The following OR10A2 variants were observed in gnomAD, a reference collection of about 807,000 sequenced individuals.
OR10A2 encodes olfactory receptor 10A2.
OR10A2 carries 15 observed loss-of-function variants against 13.7 expected under a neutral mutation model. That is an observed-to-expected ratio of 1.10 (90% CI 0.73 to 1.69). The LOEUF is 1.69. Among genes scored for constraint, OR10A2 ranks in the 40% most tolerant of loss-of-function variants. OR10A2 has a pLI of 0.00. For synonymous variants in OR10A2, 145 were observed against 144.7 expected (o/e 1.00, Z -0.02); for missense variants, 343 against 361.1 (o/e 0.95, Z 0.41).
At chr11:6,867,828 T>TA (rs1302319795) in intron 1 of OR10A2, among the ~76,000 whole-genome samples, 3 of 152,124 alleles carry the variant, frequency 2.0e-5, no homozygotes, top group Non-Finnish European at 2.9e-5. Context: ...CAGCTCAATG[T>TA]AGCCTCAACC....
intron 1 of OR10A2, among the ~76,000 whole-genome samples, chr11:6,863,564 C>T (rs1398862946): frequency 6.6e-6 from 1 of 151,896 alleles, no homozygotes; most frequent in Admixed American, 6.6e-5. Context: ...GATCTGGGCT[C>T]ACAAAAAGAC....
chr11:6,866,245 T>C (rs1383530346), intron 1 of OR10A2, among the ~76,000 whole-genome samples: 2 of 152,188 alleles, frequency 1.3e-5, no homozygotes, highest in Non-Finnish European at 2.9e-5. Flanking sequence ...TACCCAAAGG[T>C]ACAATTACTG....
At chr11:6,865,232 C>T (rs1848370936) in intron 1 of OR10A2, among the ~76,000 whole-genome samples, 1 of 147,334 alleles carries the variant, frequency 6.8e-6, no homozygotes, top group Non-Finnish European at 1.5e-5. Context: ...ATAATAAATC[C>T]CCTCCTTTTA....
intron 1 of OR10A2, 46 bp from the exon 2 acceptor site, chr11:6,869,577 G>A (rs1186411874): frequency 2.8e-5 from 18 of 650,450 alleles, no homozygotes; most frequent in Non-Finnish European, 4.4e-5. Context: ...ACAACCCAAG[G>A]CACTTCCTCT....
chr11:6,868,050 T>TAC (rs1378418610), intron 1 of OR10A2, among the ~76,000 whole-genome samples: 9 of 152,212 alleles, frequency 5.9e-5, no homozygotes, highest in African/African-American at 2.2e-4. Context: ...ACGCCTGGCC[T>TAC]ACAGTGAAAG....
In OR10A2 at chr11:6,871,055, C is replaced by T. The variant is rs1050028171; in HGVS notation, c.*389C>T. Reference sequence around the variant, plus strand: ...CCGCCTCCTGGGTTCACGCTGTTCTCCTGCCTCAGCCTCCCAAGTAGCTGG... The same window carrying T: ...CCGCCTCCTGGGTTCACGCTGTTCTTCTGCCTCAGCCTCCCAAGTAGCTGG... On this transcript the variant is annotated 3_prime_UTR_variant, in exon 2 of 2. Coordinates refer to ENST00000641461, the MANE Select transcript of OR10A2 (RefSeq NM_001004460.2). 1 of 153,808 alleles carries T rather than the reference C, an allele frequency of 6.5e-6. No individual in the cohort carries two copies. Among genetic ancestry groups the T allele is most frequent in the Non-Finnish European group, 1.4e-5 (1 of 69,940 alleles). 9.5% of individuals were successfully genotyped at this position (153,808 alleles called of 1,614,324 possible).
chr11:6,866,250 T>C (rs1322011193), intron 1 of OR10A2, among the ~76,000 whole-genome samples: 1 of 152,194 alleles, frequency 6.6e-6, no homozygotes, highest in Non-Finnish European at 1.5e-5. Context: ...AAAGGTACAA[T>C]TACTGGTTGT....
rs1848465644 is a variant in OR10A2, at chr11:6,874,456, T to C, written c.*3790T>C. On this transcript the variant is annotated 3_prime_UTR_variant, in exon 2 of 2. Coordinates refer to ENST00000641461, the MANE Select transcript of OR10A2 (RefSeq NM_001004460.2). ...GAAATTTTCTGCCCATCTTTAGAAA[T>C]TGTGTTGCTTTGTTCTTACTACCAC... 1.3e-5 allele frequency: 2 copies of C among 152,194 alleles called. No homozygotes were observed. The highest frequency in any genetic ancestry group is 4.8e-5 in the African/African-American group (2 of 41,432). The allele number at this position is 152,194 out of a possible 1,614,324, so 9.4% of individuals were successfully genotyped here.
rs1442714271 is a variant in OR10A2, at chr11:6,872,035, T to A, written c.*1369T>A. The A allele has an allele frequency of 1.3e-5, 2 of 152,210 alleles. No homozygotes were observed. Among genetic ancestry groups the A allele is most frequent in the Admixed American group, 1.3e-4 (2 of 15,280 alleles). The allele number at this position is 152,210 out of a possible 1,614,324, so 9.4% of individuals were successfully genotyped here. On this transcript the variant is annotated 3_prime_UTR_variant, in exon 2 of 2. Coordinates refer to ENST00000641461, the MANE Select transcript of OR10A2 (RefSeq NM_001004460.2). ...TGTTTGTTTCCCCACAACTCAACAA[T>A]AACATTTCTCATGAAATATTTAGAA...
chr11:6,869,966 C>G lies in OR10A2; in HGVS notation c.212C>G (p.Thr71Ser), dbSNP rs1456920500. ...GTCATTGTGCCCAAAATGCTGGGGACCCTGCTTGCCCAGGACACAACCATC... is the reference window on the plus strand; with the variant it reads ...GTCATTGTGCCCAAAATGCTGGGGAGCCTGCTTGCCCAGGACACAACCATC... Reference protein sequence around the residue: ...NLVIVPKMLGTLLAQDTTISF... With the variant: ...NLVIVPKMLGSLLAQDTTISF... The change falls in exon 2 of 2, where the codon ACC (threonine) becomes AGC (serine). Residue 71 changes from threonine to serine, a missense_variant. Thr to Ser is a moderately conservative substitution (Grantham distance 58, BLOSUM62 1). Coordinates refer to ENST00000641461, the MANE Select transcript of OR10A2 (RefSeq NM_001004460.2). 1.9e-6 allele frequency: 3 copies of G among 1,614,014 alleles called. No individual in the cohort carries two copies. The East Asian group carries it at 6.7e-5, about 36-fold the overall frequency.
At chr11:6,863,779 A>C (rs1848360105) in intron 1 of OR10A2, among the ~76,000 whole-genome samples, 1 of 152,170 alleles carries the variant, frequency 6.6e-6, no homozygotes, top group Non-Finnish European at 1.5e-5. Flanking sequence ...TTCTACAGTC[A>C]GAGAAGGCCT....
chr11:6,866,207 A>G (rs1249861199), intron 1 of OR10A2, among the ~76,000 whole-genome samples: 9 of 152,170 alleles, frequency 5.9e-5, no homozygotes, highest in Non-Finnish European at 1.5e-5. Flanking sequence ...TTTTTATATG[A>G]ACATAGTCTT....
rs1342281488 is a variant in OR10A2 at position 6,869,679 on chromosome 11, C to T, written c.-76C>T. On this transcript the variant is annotated 5_prime_UTR_variant, in exon 2 of 2. Transcript: ENST00000641461. ...CTGACTTCCAATCAATAATCTTTCT[C>T]CATGACCACAGTTGGGGACTTCTGC... 19 of 1,212,878 alleles carry T rather than the reference C, an allele frequency of 1.6e-5. No individual in the cohort carries two copies. Among genetic ancestry groups the T allele is most frequent in the South Asian group, 6.8e-5 (5 of 73,426 alleles). 75.1% of individuals were successfully genotyped at this position (1,212,878 alleles called of 1,614,324 possible). A position where few individuals can be genotyped will look rare whatever the true frequency, so the allele number is the denominator to read the frequency against.
rs924782268 is a variant in OR10A2 at position 6,872,756 on chromosome 11, G to A, written c.*2090G>A. On this transcript the variant is annotated 3_prime_UTR_variant, in exon 2 of 2. Transcript: ENST00000641461. ...TTCTGCCTGAACCTCTCAAAGTGCT[G>A]GGATTATAAGTGTGAGCCATTGCAT... 1.3e-5 allele frequency: 2 copies of A among 152,040 alleles called. No individual in the cohort carries two copies. Among genetic ancestry groups the A allele is most frequent in the African/African-American group, 4.8e-5 (2 of 41,352 alleles). 9.4% of individuals were successfully genotyped at this position (152,040 alleles called of 1,614,324 possible).
At chr11:6,868,307 A>G (rs982700318) in intron 1 of OR10A2, among the ~76,000 whole-genome samples, 40 of 152,130 alleles carry the variant, frequency 2.6e-4, no homozygotes, top group Admixed American at 9.8e-4. Context: ...GACCTGACTA[A>G]TATTTAGCCT....
chr11:6,864,798 C>T (rs1240052866), intron 1 of OR10A2, among the ~76,000 whole-genome samples: 4 of 151,744 alleles, frequency 2.6e-5, no homozygotes, highest in East Asian at 1.9e-4. Flanking sequence ...GATGACATTT[C>T]GGGTGTAGCT....
chr11:6,870,775 G>C lies in OR10A2; in HGVS notation c.*109G>C. On this transcript the variant is annotated 3_prime_UTR_variant, in exon 2 of 2. Transcript: ENST00000641461. ...TCCAATAAGATGAAGTCCTGTTGCT[G>C]AAATGGCTTTTGGAAAGCTGAGTGG... The C allele has an allele frequency of 1.0e-6, 1 of 957,340 alleles. No homozygotes were observed. The highest frequency in any genetic ancestry group is 1.5e-6 in the Non-Finnish European group (1 of 645,660). 59.3% of individuals were successfully genotyped at this position (957,340 alleles called of 1,614,324 possible).
At chr11:6,867,472 A>G (rs1848388461) in intron 1 of OR10A2, among the ~76,000 whole-genome samples, 1 of 152,112 alleles carries the variant, frequency 6.6e-6, no homozygotes, top group Non-Finnish European at 1.5e-5. Context: ...TTGGCCTCCC[A>G]AAGTGCTGGG....
intron 1 of OR10A2, among the ~76,000 whole-genome samples, chr11:6,869,154 T>C (rs1440290251): frequency 6.6e-6 from 1 of 152,180 alleles, no homozygotes; most frequent in Non-Finnish European, 1.5e-5. Flanking sequence ...ACCAGAGATA[T>C]AAAAGAACAA....
Sources: gnomAD v4.1 joint callset for allele counts (sites outside exome capture counted in the v4.1 genomes callset) on GRCh38, gnomAD v4.1.1 for gene constraint, MANE v1.5 for transcripts, NCBI Gene and HGNC (gene_info 2026-07-23, HGNC 2026-07-21) for gene names.